The following CECR2 variants were observed in gnomAD, a reference collection of about 807,000 sequenced individuals.
CECR2 encodes the protein chromatin remodeling regulator CECR2.
In CECR2, 30 loss-of-function variants were observed where a neutral mutation model predicts 154.5. The ratio of observed to expected loss-of-function variants is 0.19; its 90% CI spans 0.15 to 0.26. The LOEUF (loss-of-function observed/expected upper bound fraction) is 0.26. Among genes scored for constraint, CECR2 ranks in the 10% least tolerant of loss-of-function variants. The pLI is 1.00. For missense variants in CECR2, 1,743 were observed against 1,829.3 expected (o/e 0.95, Z 0.86); for synonymous variants, 725 against 683.7 (o/e 1.06, Z -0.94).
intron 17 of CECR2, among the ~76,000 whole-genome samples, chr22:17,550,885 T>C (rs889700745): frequency 6.6e-6 from 1 of 151,828 alleles, no homozygotes; most frequent in African/African-American, 2.4e-5. Context: ...GAGCTTGCAG[T>C]GAGCCAAGAT....
intron 1 of CECR2, among the ~76,000 whole-genome samples, chr22:17,450,502 C>T (rs577920588): frequency 4.6e-5 from 7 of 152,302 alleles, no homozygotes; most frequent in Admixed American, 2.0e-4. Flanking sequence ...AATTCCTGAC[C>T]TCGTGATTCT....
At chr22:17,446,646 G>A (rs2054668756) in intron 1 of CECR2, among the ~76,000 whole-genome samples, 1 of 152,192 alleles carries the variant, frequency 6.6e-6, no homozygotes, top group Admixed American at 6.5e-5. Flanking sequence ...AACCTGGGAG[G>A]TGGAGCTTAC....
intron 16 of CECR2, among the ~76,000 whole-genome samples, chr22:17,543,628 C>T (rs567711248): frequency 2.2e-4 from 33 of 151,784 alleles, no homozygotes; most frequent in African/African-American, 7.3e-4. Flanking sequence ...GGCACAATCT[C>T]GGTTGACTGC....
intron 9 of CECR2, among the ~76,000 whole-genome samples, chr22:17,529,157 C>T (rs556788354): frequency 6.6e-6 from 1 of 152,238 alleles, no homozygotes; most frequent in Admixed American, 6.5e-5. Flanking sequence ...GAGGTTGACC[C>T]GTGAGTGCCT....
At chr22:17,469,595 T>G (rs1160047696) in intron 1 of CECR2, among the ~76,000 whole-genome samples, 1,408 of 91,222 alleles carry the variant, frequency 0.015, 25 homozygotes, top group African/African-American at 0.052. Context: ...ATAACATTGT[T>G]TTTTTTTTTT....
intron 2 of CECR2, among the ~76,000 whole-genome samples, chr22:17,479,563 C>T (rs1312806003): frequency 6.7e-6 from 1 of 149,102 alleles, no homozygotes; most frequent in South Asian, 2.1e-4. Context: ...TAGGATATTC[C>T]TCCGTGGCTG....
upstream of CECR2, among the ~76,000 whole-genome samples, chr22:17,367,656 G>C (rs921534965): frequency 6.6e-6 from 1 of 151,858 alleles, no homozygotes; most frequent in African/African-American, 2.4e-5. Context: ...CAAAGTGCTG[G>C]GATTACAGGC....
At chr22:17,418,082 C>G (rs778623609) in intron 1 of CECR2, among the ~76,000 whole-genome samples, 1 of 152,070 alleles carries the variant, frequency 6.6e-6, no homozygotes, top group African/African-American at 2.4e-5. Flanking sequence ...CAGCTGTATA[C>G]AAGTGTATAA....
intron 2 of CECR2, among the ~76,000 whole-genome samples, chr22:17,480,653 C>G (rs1340543938): frequency 6.6e-6 from 1 of 152,168 alleles, no homozygotes; most frequent in African/African-American, 2.4e-5. Flanking sequence ...TGAAGTTCTA[C>G]TTTGATCTCA....
intron 1 of CECR2, among the ~76,000 whole-genome samples, chr22:17,471,477 G>A (rs749574346): frequency 3.3e-5 from 5 of 152,082 alleles, no homozygotes; most frequent in African/African-American, 1.2e-4. Context: ...TCCAACTTTC[G>A]CAGTGCTCAG....
intron 1 of CECR2, among the ~76,000 whole-genome samples, chr22:17,382,522 G>GCATA (rs1456918777): frequency 1.3e-5 from 2 of 152,146 alleles, no homozygotes; most frequent in Non-Finnish European, 2.9e-5. Flanking sequence ...GTTTCACAGG[G>GCATA]CATATAAAAG....
rs190143243 is a variant in CECR2 at position 17,552,993 on chromosome 22, C to T, written c.*153C>T. ...GCCATACTTGAGCTGGAGCCAGTCA[C>T]GGGCCCTAAAAGGACACTCCTTAGA... On this transcript the variant is annotated 3_prime_UTR_variant, in exon 19 of 19. Transcript: ENST00000262608. 6.5e-5 allele frequency: 95 copies of T among 1,458,162 alleles called. No individual in the cohort carries two copies. The African/African-American group carries it at 9.7e-4, about 15-fold the overall frequency. The allele number at this position is 1,458,162 out of a possible 1,614,324, so 90.3% of individuals were successfully genotyped here.
In CECR2 at chr22:17,550,258, C is replaced by T. The variant is rs182151141; in HGVS notation, c.4277+694C>T. Reference sequence around the variant, plus strand: ...TGCCTCCCAGGTTCAAGCGATTCTCCTGCCTCATCCTCCCAAGTAGCTGGG... The same window carrying T: ...TGCCTCCCAGGTTCAAGCGATTCTCTTGCCTCATCCTCCCAAGTAGCTGGG... On this transcript the variant is annotated intron_variant, in intron 17 of 18. Coordinates refer to ENST00000262608, the MANE Select transcript of CECR2 (RefSeq NM_001290047.2). 347 of 171,686 alleles carry T rather than the reference C, an allele frequency of 2.0e-3. 2 individuals carry two copies. Among genetic ancestry groups the T allele is most frequent in the Non-Finnish European group, 2.9e-3 (231 of 79,000 alleles). 10.6% of individuals were successfully genotyped at this position (171,686 alleles called of 1,614,324 possible).
intron 2 of CECR2, among the ~76,000 whole-genome samples, chr22:17,484,016 C>A (rs57816185): frequency 0.032 from 4,887 of 152,248 alleles, 282 homozygotes; most frequent in African/African-American, 0.11. Flanking sequence ...TCAGTACAGT[C>A]AGGTGCAGTA....
intron 1 of CECR2, among the ~76,000 whole-genome samples, chr22:17,360,933 C>T (rs1043574205): frequency 2.6e-5 from 4 of 151,902 alleles, no homozygotes; most frequent in East Asian, 1.9e-4. Flanking sequence ...GAGGCTGAGG[C>T]GGGTAGATTG....
chr22:17,383,533 C>T (rs2063224063), intron 1 of CECR2, among the ~76,000 whole-genome samples: 1 of 151,908 alleles, frequency 6.6e-6, no homozygotes, highest in South Asian at 2.1e-4. Flanking sequence ...TTTTGTTCAT[C>T]CATAAGAACC....
chr22:17,557,545 GC>G lies in CECR2; in HGVS notation c.*4706del, dbSNP rs1420421944. ...CAGATGTGCGGAGGGACTGTTCCGG[GC>G]TCGGCTTGACCTTTTCCTACCTAGT... is the stretch of plus-strand genomic sequence containing the variant. On this transcript the variant is annotated 3_prime_UTR_variant, in exon 19 of 19. Coordinates refer to ENST00000262608, the MANE Select transcript of CECR2 (RefSeq NM_001290047.2). 6.6e-6 allele frequency: 1 copy of G among 152,152 alleles called. No homozygotes were observed. The highest frequency in any genetic ancestry group is 2.4e-5 in the African/African-American group (1 of 41,420). 9.4% of individuals were successfully genotyped at this position (152,152 alleles called of 1,614,324 possible).
upstream of CECR2, among the ~76,000 whole-genome samples, chr22:17,365,834 T>A (rs1259467633): frequency 6.6e-6 from 1 of 151,166 alleles, no homozygotes; most frequent in East Asian, 1.9e-4. Flanking sequence ...CACTGCAGCC[T>A]GGACAACAAA....
intron 1 of CECR2, among the ~76,000 whole-genome samples, chr22:17,371,146 C>T (rs1289515354): frequency 6.6e-6 from 1 of 152,086 alleles, no homozygotes; most frequent in East Asian, 1.9e-4. Context: ...GTCGTGTTTG[C>T]TGAAATATCA....
Sources: gnomAD v4.1 joint callset for allele counts (sites outside exome capture counted in the v4.1 genomes callset) on GRCh38, gnomAD v4.1.1 for gene constraint, MANE v1.5 for transcripts, NCBI Gene and HGNC (gene_info 2026-07-23, HGNC 2026-07-21) for gene names.